The following TTC21A variants were observed in gnomAD, a reference collection of about 807,000 sequenced individuals.
The protein encoded by TTC21A is tetratricopeptide repeat domain 21A.
In TTC21A, 128 loss-of-function variants were observed where a neutral mutation model predicts 156.4. That is an observed-to-expected ratio of 0.82 (90% CI 0.71 to 0.95). The LOEUF (loss-of-function observed/expected upper bound fraction) is 0.95, where lower values mean the gene tolerates loss of function less well. Among genes scored for constraint, TTC21A ranks in the 40% least tolerant of loss-of-function variants. TTC21A has a pLI of 0.00. For missense variants in TTC21A, 1,435 were observed against 1,602.3 expected (o/e 0.90, Z 1.78); for synonymous variants, 587 against 617.1 (o/e 0.95, Z 0.72).
rs992930359 is a variant in TTC21A, at chr3:39,130,675, G to C, written c.2320-26G>C. On this transcript the variant is annotated intron_variant, in intron 17 of 28. Coordinates refer to ENST00000683103, the MANE Select transcript of TTC21A (RefSeq NM_001366900.1). The surrounding 1 kb of genome is among the most constrained non-coding windows in gnomAD (Gnocchi z 4.5). ...CACTGAAGGGCAGAACCAGGCCAGA[G>C]GCTAATATTTACTGTTTGCACTAAG... 1 of 1,613,482 alleles carries C rather than the reference G, an allele frequency of 6.2e-7. No individual in the cohort carries two copies. Among genetic ancestry groups the C allele is most frequent in the Non-Finnish European group, 8.5e-7 (1 of 1,179,546 alleles).
rs2039154396 is a variant in TTC21A, at chr3:39,136,907, G to A, written c.3104G>A (p.Gly1035Glu). The A allele has an allele frequency of 3.1e-6, 5 of 1,614,014 alleles. No individual in the cohort carries two copies. Among genetic ancestry groups the A allele is most frequent in the Non-Finnish European group, 4.2e-6 (5 of 1,180,018 alleles). The stretch of plus-strand genomic sequence containing the variant: ...TGTTTTCTCCACCACAGGCACATAG[G>A]GCAGCCCAACGAAGCCTTAAAGTTC... ...YCRGIYCWHIGQPNEALKFLN... is the reference protein window; with the variant it reads ...YCRGIYCWHIEQPNEALKFLN... Residue 1035 changes from glycine (G) to glutamate (E), a missense_variant, in exon 24 of 29, where the codon GGG (glycine) becomes GAG (glutamate). Transcript: ENST00000683103.
At chr3:39,138,430 G>A in intron 27 of TTC21A, 43 bp downstream of exon 27, 1 of 1,613,650 alleles carries the variant, frequency 6.2e-7, no homozygotes, top group Non-Finnish European at 8.5e-7. Flanking sequence ...ACGTGGGAGG[G>A]AGGTGGGCAG....
chr3:39,122,933 G>T (rs140740306), intron 9 of TTC21A, among the ~76,000 whole-genome samples: 1 of 152,318 alleles, frequency 6.6e-6, no homozygotes, highest in African/African-American at 2.4e-5. Context: ...TGCCCAGTCT[G>T]ACAAAATCAG....
At position 39,137,349 on chromosome 3, in the gene TTC21A, G is replaced by A; in HGVS notation, c.3412G>A (p.Ala1138Thr). The change falls in exon 25 of 29, where the codon GCT becomes ACT. Residue 1138 changes from alanine (A) to threonine (T), a missense_variant. Transcript: ENST00000683103. ...CACCAGGGAGAAGGCTAACATGGAGGCTGCGCTGGGCAGCTTCATCCAGAT... is the reference window on the plus strand; with the variant it reads ...CACCAGGGAGAAGGCTAACATGGAGACTGCGCTGGGCAGCTTCATCCAGAT... The part of the protein sequence containing the change: ...LATREKANME[A>T]ALGSFIQIAQ... The A allele has an allele frequency of 6.2e-7, 1 of 1,613,670 alleles. No individual in the cohort carries two copies. The highest frequency in any genetic ancestry group is 8.5e-7 in the Non-Finnish European group (1 of 1,179,836).
At chr3:39,125,758 C>T (rs996527499) in intron 11 of TTC21A, among the ~76,000 whole-genome samples, 2 of 152,172 alleles carry the variant, frequency 1.3e-5, no homozygotes, top group Non-Finnish European at 2.9e-5. Context: ...GGTCTAAAAC[C>T]CTGCATCTCT....
chr3:39,138,627 A>T lies in TTC21A; in HGVS notation c.3864+4A>T. ...GGCCATTGAAATCTGCAACGATGTA[A>T]GCCAGCAGCCTTGGTGGGGAGGGCC... On this transcript the variant is annotated splice_donor_region_variant and intron_variant, in intron 28 of 28. Coordinates refer to ENST00000683103, the MANE Select transcript of TTC21A (RefSeq NM_001366900.1). 1 of 1,614,206 alleles carries T rather than the reference A, an allele frequency of 6.2e-7. No homozygotes were observed.
intron 22 of TTC21A, among the ~76,000 whole-genome samples, chr3:39,135,905 A>G (rs2039074804): frequency 6.6e-6 from 1 of 151,784 alleles, no homozygotes; most frequent in Admixed American, 6.6e-5. Context: ...ATACAAAAAA[A>G]TTGGCCGGGC....
chr3:39,123,848 C>T (rs1350700006), intron 9 of TTC21A, among the ~76,000 whole-genome samples: 2 of 151,534 alleles, frequency 1.3e-5, no homozygotes, highest in African/African-American at 4.8e-5. Context: ...AAAAAATCAC[C>T]CCCCCCAAAA....
chr3:39,126,925 C>G (rs576053448), intron 12 of TTC21A, among the ~76,000 whole-genome samples: 2 of 152,294 alleles, frequency 1.3e-5, no homozygotes, highest in African/African-American at 4.8e-5. Flanking sequence ...GGGAGCACAT[C>G]GTATTTTTTT....
intron 10 of TTC21A, 82 bp downstream of exon 10, chr3:39,125,242 T>C: frequency 6.5e-7 from 1 of 1,537,736 alleles, no homozygotes; most frequent in Non-Finnish European, 9.0e-7. Context: ...ATAGAAAGCA[T>C]GCAAGGTGGT....
intron 9 of TTC21A, among the ~76,000 whole-genome samples, chr3:39,124,144 G>C (rs964024132): frequency 1.3e-5 from 2 of 152,012 alleles, no homozygotes; most frequent in South Asian, 2.1e-4. Flanking sequence ...CTCTCCCTCA[G>C]GAATTTGAAC....
chr3:39,122,496 T>C (rs761573828), intron 9 of TTC21A, among the ~76,000 whole-genome samples: 15 of 152,124 alleles, frequency 9.9e-5, no homozygotes, highest in Non-Finnish European at 1.8e-4. Flanking sequence ...TAGACCAGCT[T>C]TCCCCAAAGA....
At chr3:39,136,798 A>G in intron 23 of TTC21A, 101 bp from the exon 24 acceptor site, 1 of 1,420,812 alleles carries the variant, frequency 7.0e-7, no homozygotes, top group Non-Finnish European at 9.6e-7. Context: ...CCAGAGATCC[A>G]GCCTCTGCTT....
In TTC21A at chr3:39,126,394, A is replaced by C. The variant is rs752298752; in HGVS notation, c.1522+4A>C. On this transcript the variant is annotated splice_donor_region_variant and intron_variant, in intron 12 of 28. Transcript: ENST00000683103. The stretch of plus-strand genomic sequence containing the variant: ...GCTCAGGTCAGGTATTACTCAGGTG[A>C]GCGGGGGATCCTGACAGCCGGGTGG... The C allele has an allele frequency of 1.2e-6, 2 of 1,612,284 alleles. No individual in the cohort carries two copies. The highest frequency in any genetic ancestry group is 2.7e-5 in the African/African-American group (2 of 74,658).
At chr3:39,136,763 C>T in intron 23 of TTC21A, 136 bp from the exon 24 acceptor site, 3 of 1,218,848 alleles carry the variant, frequency 2.5e-6, no homozygotes, top group South Asian at 1.5e-5. Flanking sequence ...CCGACGCCCG[C>T]ATCTCCTCCA....
At position 39,110,062 on chromosome 3, in the gene TTC21A, G is replaced by C; in HGVS notation, c.191G>C (p.Ser64Thr). Residue 64 changes from serine to threonine, a missense_variant, in exon 3 of 29, where the codon AGC becomes ACC. Physicochemically the swap from Ser to Thr is moderately conservative, Grantham distance 58. Transcript: ENST00000683103. ...HIQDAISDLE[S>T]IRHHPDVSLC... ...CAGGATGCCATCAGTGACCTGGAAAGCATCAGGCATCACCCAGACGTGTCC... is the reference window on the plus strand; with the variant it reads ...CAGGATGCCATCAGTGACCTGGAAACCATCAGGCATCACCCAGACGTGTCC... 2 of 1,614,084 alleles carry C rather than the reference G, an allele frequency of 1.2e-6. No homozygotes were observed. The highest frequency in any genetic ancestry group is 1.7e-6 in the Non-Finnish European group (2 of 1,180,008).
At position 39,138,300 on chromosome 3, in the gene TTC21A, A is replaced by C. The variant is rs1575569742; in HGVS notation, c.3709A>C (p.Ile1237Leu). The C allele has an allele frequency of 1.7e-5, 27 of 1,614,198 alleles. No homozygotes were observed. The East Asian group carries it at 6.0e-4, about 36-fold the overall frequency. Residue 1237 changes from isoleucine to leucine, a missense_variant, in exon 27 of 29, where the codon ATC becomes CTC. Ile to Leu is a conservative substitution (Grantham distance 5). Transcript: ENST00000683103. ...CYKAYEYMGF[I>L]MEKEQSYKDA... ...CAAGGCCTATGAGTACATGGGCTTC[A>C]TCATGGAGAAGGAGCAGTCCTACAA...
intron 2 of TTC21A, among the ~76,000 whole-genome samples, chr3:39,109,640 C>T (rs544944875): frequency 6.6e-6 from 1 of 152,274 alleles, no homozygotes; most frequent in East Asian, 1.9e-4. Flanking sequence ...TGGTCCTAGG[C>T]TGAGGACTGG....
chr3:39,135,224 C>A, intron 22 of TTC21A, 50 bp downstream of exon 22: 1 of 1,513,644 alleles, frequency 6.6e-7, no homozygotes, highest in Non-Finnish European at 9.2e-7. Context: ...TGAGCAAGGG[C>A]CGCTCTCCCA....
Sources: gnomAD v4.1 joint callset for allele counts (sites outside exome capture counted in the v4.1 genomes callset) on GRCh38, gnomAD v4.1.1 for gene constraint, Gnocchi (gnomAD v3.1) non-coding constraint, MANE v1.5 for transcripts, NCBI Gene and HGNC (gene_info 2026-07-23, HGNC 2026-07-21) for gene names.